Variants in TRIM72 observed in about 807,000 individuals in gnomAD.
TRIM72 encodes tripartite motif-containing protein 72.
A neutral mutation model predicts 31.6 loss-of-function variants in TRIM72; 33 were observed. The observed-to-expected ratio is 1.04, with a 90% confidence interval of 0.79 to 1.40. The LOEUF is 1.40. Ranked by LOEUF, TRIM72 falls within the 40% of genes most tolerant of loss-of-function variation. TRIM72 has a pLI of 0.00. For missense variants in TRIM72, 666 were observed against 682.7 expected, an observed-to-expected ratio of 0.98 and a Z score of 0.27; for synonymous variants, 301 against 314.4, an observed-to-expected ratio of 0.96 and a Z score of 0.45.
chr16:31,218,579 G>A (rs915540268), intron 2 of TRIM72, among the ~76,000 whole-genome samples: 1 of 152,142 alleles, frequency 6.6e-6, no homozygotes, highest in Non-Finnish European at 1.5e-5. Context: ...CTACTTGGGA[G>A]GCTGAGGCAG....
rs2079565344 is a variant in TRIM72, at chr16:31,230,062, T to G, written c.*5307T>G. Reference sequence around the variant, plus strand: ...GAGATCGGGCCACTGCATTCCAGTCTGGGTGAGAGAGTTAAAACAGGAATT... The same window carrying G: ...GAGATCGGGCCACTGCATTCCAGTCGGGGTGAGAGAGTTAAAACAGGAATT... On this transcript the variant is annotated 3_prime_UTR_variant, in exon 7 of 7. Transcript: ENST00000322122. The G allele has an allele frequency of 6.6e-6, 1 of 152,238 alleles. No individual in the cohort carries two copies. The highest frequency in any genetic ancestry group is 1.5e-5 in the Non-Finnish European group (1 of 68,064). The allele number at this position is 152,238 out of a possible 1,614,324, so 9.4% of individuals were successfully genotyped here.
Position 31,230,845 on chromosome 16 carries a change from C to G in TRIM72, c.*6090C>G, listed in dbSNP as rs778281343. 1 of 151,950 alleles carries G rather than the reference C, an allele frequency of 6.6e-6. No individual in the cohort carries two copies. Among genetic ancestry groups the G allele is most frequent in the African/African-American group, 2.4e-5 (1 of 41,364 alleles). The allele number at this position is 151,950 out of a possible 1,614,324, so 9.4% of individuals were successfully genotyped here. ...ATAAATAATAAGTATCCTCCTCAACCTCTTGGTCTCTCTGATTCCTAAATT... is the reference window on the plus strand; with the variant it reads ...ATAAATAATAAGTATCCTCCTCAACGTCTTGGTCTCTCTGATTCCTAAATT... On this transcript the variant is annotated 3_prime_UTR_variant, in exon 7 of 7. Coordinates refer to ENST00000322122, the MANE Select transcript of TRIM72 (RefSeq NM_001008274.4).
At chr16:31,218,529 A>G (rs1407529619) in intron 2 of TRIM72, among the ~76,000 whole-genome samples, 1 of 152,010 alleles carries the variant, frequency 6.6e-6, no homozygotes, top group East Asian at 1.9e-4. Context: ...AAAAATACCA[A>G]AATTAGCCAG....
At position 31,219,068 on chromosome 16, in the gene TRIM72, A is replaced by G; in HGVS notation, c.391-27A>G. ...TGGGTTTTGGGTGGGTGGCATCCCC[A>G]TCACTTCTCCATGCCTCGACCCCCA... is the stretch of plus-strand genomic sequence containing the variant. On this transcript the variant is annotated intron_variant, in intron 2 of 6. Coordinates refer to ENST00000322122, the MANE Select transcript of TRIM72 (RefSeq NM_001008274.4). This position sits in a 1 kb window ranked among gnomAD's most constrained non-coding sequence, Gnocchi z 4.2. 1 of 1,551,034 alleles carries G rather than the reference A, an allele frequency of 6.4e-7. No individual in the cohort carries two copies. The highest frequency in any genetic ancestry group is 8.7e-7 in the Non-Finnish European group (1 of 1,146,704).
rs1230791603 is a variant in TRIM72 at position 31,229,226 on chromosome 16, A to T, written c.*4471A>T. On this transcript the variant is annotated 3_prime_UTR_variant, in exon 7 of 7. Coordinates refer to ENST00000322122, the MANE Select transcript of TRIM72 (RefSeq NM_001008274.4). The stretch of plus-strand genomic sequence containing the variant: ...GAGGGAAGATGGGGAGGGCCATCAG[A>T]CCGTGTCGCAAGTCTGCTGTTCGTG... The T allele has an allele frequency of 7.0e-6, 1 of 143,272 alleles. No homozygotes were observed. Among genetic ancestry groups the T allele is most frequent in the Non-Finnish European group, 1.5e-5 (1 of 65,088 alleles). The allele number at this position is 143,272 out of a possible 1,614,324, so 8.9% of individuals were successfully genotyped here. A position where few individuals can be genotyped will look rare whatever the true frequency, so the allele number is the denominator to read the frequency against.
In TRIM72 at chr16:31,224,831, A is replaced by G; in HGVS notation, c.*76A>G. The G allele has an allele frequency of 7.3e-7, 1 of 1,368,292 alleles. No homozygotes were observed. The highest frequency in any genetic ancestry group is 3.3e-5 in the Admixed American group (1 of 30,642). The allele number at this position is 1,368,292 out of a possible 1,614,324, so 84.8% of individuals were successfully genotyped here. ...TCTCCTTGGTCGGGTCTGACGGGAG[A>G]AGGGTGGGGAGCGGGTTGCCAGGGC... is the stretch of plus-strand genomic sequence containing the variant. On this transcript the variant is annotated 3_prime_UTR_variant, in exon 7 of 7. Transcript: ENST00000322122.
chr16:31,220,154 C>T (rs1424629138), intron 4 of TRIM72, among the ~76,000 whole-genome samples: 1 of 151,340 alleles, frequency 6.6e-6, no homozygotes, highest in Non-Finnish European at 1.5e-5. Context: ...CTCAAGCAAT[C>T]CTCCAATCTC....
At position 31,224,205 on chromosome 16, in the gene TRIM72, C is replaced by T. The variant is rs1371759585; in HGVS notation, c.884C>T (p.Pro295Leu). The change falls in exon 7 of 7, where the codon CCG becomes CTG. Residue 295 changes from proline (P) to leucine (L), a missense_variant. Physicochemically the swap from Pro to Leu is moderately conservative, Grantham distance 98. Coordinates refer to ENST00000322122, the MANE Select transcript of TRIM72 (RefSeq NM_001008274.4). ...MPALEELTFD[P>L]SSAHPSLVVS... Reference sequence around the variant, plus strand: ...GCGCTGGAGGAGCTGACCTTTGACCCGAGCTCTGCGCACCCGAGCCTGGTG... The same window carrying T: ...GCGCTGGAGGAGCTGACCTTTGACCTGAGCTCTGCGCACCCGAGCCTGGTG... The T allele has an allele frequency of 4.4e-6, 7 of 1,603,576 alleles. No individual in the cohort carries two copies. The East Asian group carries it at 1.3e-4, about 31-fold the overall frequency.
Position 31,215,093 on chromosome 16 carries a change from C to T in TRIM72, c.355C>T (p.Leu119Phe). The stretch of plus-strand genomic sequence containing the variant: ...ACTCGGCTCGCACCGCGGTCATCGC[C>T]TCCTGCCTGCCGCCGAGGCCCACGC... ...ASLGSHRGHR[L>F]LPAAEAHARL... The change falls in exon 2 of 7, where the codon CTC (leucine) becomes TTC (phenylalanine). Residue 119 changes from leucine (L) to phenylalanine (F), a missense_variant. Transcript: ENST00000322122. The surrounding 1 kb of genome is among the most constrained non-coding windows in gnomAD (Gnocchi z 6.3). The T allele has an allele frequency of 6.9e-7, 1 of 1,448,242 alleles. No individual in the cohort carries two copies. Among genetic ancestry groups the T allele is most frequent in the Non-Finnish European group, 9.0e-7 (1 of 1,110,190 alleles). The allele number at this position is 1,448,242 out of a possible 1,614,324, so 89.7% of individuals were successfully genotyped here.
In TRIM72 at chr16:31,224,602, C is replaced by A; in HGVS notation, c.1281C>A (p.Tyr427Ter). The A allele has an allele frequency of 3.9e-6, 6 of 1,554,478 alleles. No homozygotes were observed. Among genetic ancestry groups the A allele is most frequent in the Non-Finnish European group, 5.2e-6 (6 of 1,155,726 alleles). Residue 427 changes from tyrosine to a stop codon, truncating the protein, a stop_gained, in exon 7 of 7, where the codon TAC becomes TAA. Coordinates refer to ENST00000322122, the MANE Select transcript of TRIM72 (RefSeq NM_001008274.4). LOFTEE classifies it high-confidence loss of function. Reference sequence around the variant, plus strand: ...TCGGCGACGGCGTCCTCTCCTTCTACGATGCCAGCGACGCCGACGCGCTCG... The same window carrying A: ...TCGGCGACGGCGTCCTCTCCTTCTAAGATGCCAGCGACGCCGACGCGCTCG... Reference protein sequence around the residue: ...LSFGDGVLSFYDASDADALVP... With the variant: ...LSFGDGVLSF
Position 31,220,930 on chromosome 16 carries a change from C to A in TRIM72, c.740+12C>A, listed in dbSNP as rs373072852. The A allele has an allele frequency of 6.2e-7, 1 of 1,614,070 alleles. No homozygotes were observed. Among genetic ancestry groups the A allele is most frequent in the Non-Finnish European group, 8.5e-7 (1 of 1,180,036 alleles). On this transcript the variant is annotated intron_variant, in intron 5 of 6. Transcript: ENST00000322122. Reference sequence around the variant, plus strand: ...CTGGTGACCAGCAGGTGAGAGCAACCTGGCCCTGTCCCTTTGCCCGACTTG... The same window carrying A: ...CTGGTGACCAGCAGGTGAGAGCAACATGGCCCTGTCCCTTTGCCCGACTTG...
intron 5 of TRIM72, 68 bp downstream of exon 5, chr16:31,220,986 A>G: frequency 6.3e-7 from 1 of 1,593,144 alleles, no homozygotes; most frequent in Non-Finnish European, 8.6e-7. Context: ...CAGCCGGCTC[A>G]CTCTCCACTC....
At chr16:31,222,126 C>G (rs962752217) in intron 5 of TRIM72, among the ~76,000 whole-genome samples, 1 of 152,170 alleles carries the variant, frequency 6.6e-6, no homozygotes, top group Non-Finnish European at 1.5e-5. Context: ...GGTGCAGTGG[C>G]TCACGCCTGT....
Position 31,216,481 on chromosome 16 carries a change from T to C in TRIM72, c.390+1353T>C. On this transcript the variant is annotated intron_variant, in intron 2 of 6. Transcript: ENST00000322122. This position sits in a 1 kb window ranked among gnomAD's most constrained non-coding sequence, Gnocchi z 6.7. ...ACCCAACCTCGCCCAACCTTGCCCG[T>C]CTTTATCTGCGAAGAAAGCACAGAA... 1 of 407,062 alleles carries C rather than the reference T, an allele frequency of 2.5e-6. No individual in the cohort carries two copies. Among genetic ancestry groups the C allele is most frequent in the Non-Finnish European group, 4.3e-6 (1 of 230,694 alleles). 25.2% of individuals were successfully genotyped at this position (407,062 alleles called of 1,614,324 possible). A position where few individuals can be genotyped will look rare whatever the true frequency, so the allele number is the denominator to read the frequency against.
Position 31,216,699 on chromosome 16 carries a change from G to T in TRIM72, c.390+1571G>T. 1.9e-6 allele frequency: 3 copies of T among 1,545,370 alleles called. No individual in the cohort carries two copies. The highest frequency in any genetic ancestry group is 2.6e-6 in the Non-Finnish European group (3 of 1,141,282). On this transcript the variant is annotated intron_variant, in intron 2 of 6. Transcript: ENST00000322122. This position sits in a 1 kb window ranked among gnomAD's most constrained non-coding sequence, Gnocchi z 6.7. ...AGGCTCTGGGCGGGACCTGACGCGTGGGTCCTTGGCGAGGAAGCGGGGTTG... is the reference window on the plus strand; with the variant it reads ...AGGCTCTGGGCGGGACCTGACGCGTTGGTCCTTGGCGAGGAAGCGGGGTTG...
Position 31,224,256 on chromosome 16 carries a change from A to T in TRIM72, c.935A>T (p.Glu312Val). Residue 312 changes from glutamate (E) to valine (V), a missense_variant, in exon 7 of 7, where the codon GAG becomes GTG. By Grantham distance (121) the Glu-to-Val change is moderately radical. Coordinates refer to ENST00000322122, the MANE Select transcript of TRIM72 (RefSeq NM_001008274.4). ...LVVSSSGRRV[E>V]CSEQKAPPAG... ...GTGTCTTCCTCTGGCCGCCGCGTGG[A>T]GTGCTCGGAGCAGAAGGCGCCGCCG... is the stretch of plus-strand genomic sequence containing the variant. The T allele has an allele frequency of 6.2e-7, 1 of 1,605,074 alleles. No homozygotes were observed. Among genetic ancestry groups the T allele is most frequent in the Non-Finnish European group, 8.5e-7 (1 of 1,179,730 alleles).
chr16:31,228,401 C>T lies in TRIM72; in HGVS notation c.*3646C>T, dbSNP rs1293807424. On this transcript the variant is annotated 3_prime_UTR_variant, in exon 7 of 7. Transcript: ENST00000322122. ...TGTCACTGAACTCTCTGTCATTGCT[C>T]AGGCTAAGGACTGGCCACAGTGAGG... The T allele has an allele frequency of 1.3e-5, 2 of 152,216 alleles. No homozygotes were observed. Among genetic ancestry groups the T allele is most frequent in the Admixed American group, 1.3e-4 (2 of 15,262 alleles). 9.4% of individuals were successfully genotyped at this position (152,216 alleles called of 1,614,324 possible). A position where few individuals can be genotyped will look rare whatever the true frequency, so the allele number is the denominator to read the frequency against.
chr16:31,224,589 T>A lies in TRIM72; in HGVS notation c.1268T>A (p.Val423Asp). The A allele has an allele frequency of 3.9e-6, 6 of 1,555,090 alleles. No homozygotes were observed. Among genetic ancestry groups the A allele is most frequent in the Non-Finnish European group, 5.2e-6 (6 of 1,156,026 alleles). The change falls in exon 7 of 7, where the codon GTC becomes GAC. Residue 423 changes from valine to aspartate, a missense_variant. Coordinates refer to ENST00000322122, the MANE Select transcript of TRIM72 (RefSeq NM_001008274.4). The stretch of plus-strand genomic sequence containing the variant: ...CTTTACCTGAGCTTCGGCGACGGCG[T>A]CCTCTCCTTCTACGATGCCAGCGAC... Reference protein sequence around the residue: ...IGLYLSFGDGVLSFYDASDAD... With the variant: ...IGLYLSFGDGDLSFYDASDAD...
chr16:31,228,663 C>T lies in TRIM72; in HGVS notation c.*3908C>T, dbSNP rs2079561506. ...CTCAGCTCACTGCAACCTCTGCCTC[C>T]CAGGTTCAAGTGATTCTCCTGCCTC... is the stretch of plus-strand genomic sequence containing the variant. On this transcript the variant is annotated 3_prime_UTR_variant, in exon 7 of 7. Coordinates refer to ENST00000322122, the MANE Select transcript of TRIM72 (RefSeq NM_001008274.4). 6.6e-6 allele frequency: 1 copy of T among 152,058 alleles called. No homozygotes were observed. The highest frequency in any genetic ancestry group is 2.4e-5 in the African/African-American group (1 of 41,280). 9.4% of individuals were successfully genotyped at this position (152,058 alleles called of 1,614,324 possible). A position where few individuals can be genotyped will look rare whatever the true frequency, so the allele number is the denominator to read the frequency against.
Sources: allele counts gnomAD v4.1 joint callset (sites outside exome capture counted in the v4.1 genomes callset), GRCh38; gene constraint gnomAD v4.1.1; non-coding constraint Gnocchi (gnomAD v3.1); transcripts MANE v1.5; gene names NCBI Gene and HGNC (gene_info 2026-07-23, HGNC 2026-07-21).